SUPT3H: variants seen among roughly 807,000 people sequenced by gnomAD.
The protein encoded by SUPT3H is transcription initiation protein SPT3 homolog.
A neutral mutation model predicts 44.3 loss-of-function variants in SUPT3H; 44 were observed. The ratio of observed to expected loss-of-function variants is 0.99; its 90% CI spans 0.78 to 1.28. The LOEUF (loss-of-function observed/expected upper bound fraction) is 1.28. Ranked by LOEUF, SUPT3H falls within the 50% of genes most tolerant of loss-of-function variation. The pLI is 0.00. For synonymous variants in SUPT3H, 124 were observed against 125.6 expected, an observed-to-expected ratio of 0.99 and a Z score of 0.09; for missense variants, 380 against 387.1, an observed-to-expected ratio of 0.98 and a Z score of 0.15.
At chr6:45,047,400 A>G (rs12206942) in intron 3 of SUPT3H, among the ~76,000 whole-genome samples, 219 of 152,284 alleles carry the variant, frequency 1.4e-3, no homozygotes, top group Non-Finnish European at 2.4e-3. Context: ...AATAAGTAAG[A>G]ATATTAGGGT....
intron 10 of SUPT3H, among the ~76,000 whole-genome samples, chr6:44,894,539 C>T (rs534429173): frequency 1.7e-4 from 26 of 152,004 alleles, no homozygotes; most frequent in African/African-American, 4.6e-4. Context: ...TGTAGATATG[C>T]GGTGTTATTT....
intron 2 of SUPT3H, among the ~76,000 whole-genome samples, chr6:45,188,438 A>T (rs1456770973): frequency 2.0e-5 from 3 of 152,224 alleles, no homozygotes; most frequent in Non-Finnish European, 4.4e-5. Flanking sequence ...TGAAGGTGGA[A>T]AAGGCATTAA....
chr6:44,934,562 A>G (rs1266689247), intron 9 of SUPT3H, among the ~76,000 whole-genome samples: 1 of 152,232 alleles, frequency 6.6e-6, no homozygotes, highest in African/African-American at 2.4e-5. Flanking sequence ...CCAAGCCCAC[A>G]AAGTGATGGT....
At chr6:44,853,423 G>C (rs1773219063) in intron 10 of SUPT3H, among the ~76,000 whole-genome samples, 2 of 152,144 alleles carry the variant, frequency 1.3e-5, no homozygotes, top group South Asian at 4.2e-4. Context: ...ACTTTGGGAG[G>C]TCAATGCAGA....
In SUPT3H at chr6:45,225,150, G is replaced by T. The variant is rs112893579; in HGVS notation, c.102-119144C>A. ...AAAAATTAGCCGGGTGTGGTGGCAT[G>T]CGTCTGTAATCTCAGCTACTCGGGA... On this transcript the variant is annotated intron_variant, in intron 2 of 10. Coordinates refer to ENST00000371459, the MANE Select transcript of SUPT3H (RefSeq NM_003599.4). Among the ~76,000 whole-genome samples the T allele has an allele frequency of 9.1e-3, 1,373 of 151,708 alleles. 14 individuals carry two copies. Among genetic ancestry groups the T allele is most frequent in the South Asian group, 0.028 (136 of 4,786 alleles).
intron 3 of SUPT3H, chr6:45,098,162 T>G (rs1009194252): frequency 4.5e-5 from 7 of 156,106 alleles, no homozygotes; most frequent in Non-Finnish European, 8.7e-5. Flanking sequence ...GCAAAATTTG[T>G]GCCAGGCCAT....
rs1274297053 is a variant in SUPT3H at position 45,368,131 on chromosome 6, T to C, written c.1-2830A>G. Among the ~76,000 whole-genome samples, 4 of 152,194 alleles carry C rather than the reference T, an allele frequency of 2.6e-5. No homozygotes were observed. The East Asian group carries it at 5.8e-4, about 22-fold the overall frequency. ...TGAAAACCTACTGTAATCTTTTCAA[T>C]GGGTTAATGTCCTGCAGTTGTTTCA... On this transcript the variant is annotated intron_variant, in intron 1 of 10. Transcript: ENST00000371459.
chr6:45,091,084 T>C lies in SUPT3H; in HGVS notation c.186+14838A>G, dbSNP rs951091261. 2.0e-5 allele frequency among the ~76,000 whole-genome samples: 3 copies of C among 152,026 alleles called. No individual in the cohort carries two copies. The East Asian group carries it at 5.8e-4, about 29-fold the overall frequency. On this transcript the variant is annotated intron_variant, in intron 3 of 10. Coordinates refer to ENST00000371459, the MANE Select transcript of SUPT3H (RefSeq NM_003599.4). ...TTTAAATTCCTTCTTTCTTATATAT[T>C]GAATTACCTTTGTCCAGTGGTCTAT...
intron 6 of SUPT3H, among the ~76,000 whole-genome samples, chr6:44,962,914 C>T (rs542368223): frequency 4.0e-5 from 6 of 151,896 alleles, no homozygotes; most frequent in African/African-American, 1.4e-4. Flanking sequence ...CTTTCTCTCC[C>T]TCTCTCCCTT....
At chr6:45,107,166 C>A (rs1799400468) in intron 2 of SUPT3H, among the ~76,000 whole-genome samples, 2 of 152,026 alleles carry the variant, frequency 1.3e-5, no homozygotes, top group Non-Finnish European at 2.9e-5. Flanking sequence ...CTTGAAAATG[C>A]ACAATAATAT....
intron 3 of SUPT3H, among the ~76,000 whole-genome samples, chr6:45,065,809 C>T (rs188640595): frequency 1.3e-4 from 19 of 151,580 alleles, no homozygotes; most frequent in Admixed American, 6.6e-4. Flanking sequence ...GAAATTATGG[C>T]AATAATCGAT....
At chr6:44,891,368 G>T (rs576445682) in intron 10 of SUPT3H, among the ~76,000 whole-genome samples, 1 of 152,108 alleles carries the variant, frequency 6.6e-6, no homozygotes, top group East Asian at 1.9e-4. Context: ...AATAACCCAA[G>T]AATCAATTGA....
chr6:45,026,907 T>G (rs747596418), intron 3 of SUPT3H, among the ~76,000 whole-genome samples: 17 of 152,056 alleles, frequency 1.1e-4, no homozygotes, highest in South Asian at 4.1e-4. Context: ...TGTATCAGAA[T>G]TTATTTCAGT....
intron 2 of SUPT3H, among the ~76,000 whole-genome samples, chr6:45,315,604 C>T (rs1396915162): frequency 6.6e-6 from 1 of 152,024 alleles, no homozygotes; most frequent in African/African-American, 2.4e-5. Flanking sequence ...TAAGAATGGC[C>T]ATAATCAAAG....
intron 2 of SUPT3H, among the ~76,000 whole-genome samples, chr6:45,153,922 T>C (rs1355526642): frequency 6.6e-6 from 1 of 151,620 alleles, no homozygotes; most frequent in Non-Finnish European, 1.5e-5. Flanking sequence ...GCAAAAAAAT[T>C]AGCCAGGCGT....
chr6:45,216,357 G>A (rs72857059), intron 2 of SUPT3H, among the ~76,000 whole-genome samples: 2,228 of 151,956 alleles, frequency 0.015, 26 homozygotes, highest in South Asian at 0.03. Flanking sequence ...AGAAACCCAC[G>A]AAACTGTAAA....
At chr6:45,122,561 T>A (rs1193507085) in intron 2 of SUPT3H, among the ~76,000 whole-genome samples, 1 of 152,174 alleles carries the variant, frequency 6.6e-6, no homozygotes, top group East Asian at 1.9e-4. Flanking sequence ...TTTATTTTGG[T>A]AACTAACTTT....
intron 2 of SUPT3H, among the ~76,000 whole-genome samples, chr6:45,355,831 T>G (rs572541080): frequency 6.6e-6 from 1 of 152,160 alleles, no homozygotes; most frequent in Non-Finnish European, 1.5e-5. Flanking sequence ...TGGAAAGTAA[T>G]TCCAACCAAA....
At chr6:45,350,377 G>A (rs952936971) in intron 2 of SUPT3H, among the ~76,000 whole-genome samples, 6 of 152,150 alleles carry the variant, frequency 3.9e-5, no homozygotes, top group Admixed American at 3.9e-4. Flanking sequence ...TAAAATACAA[G>A]GAATTTGCAC....
Sources: gnomAD v4.1 joint callset for allele counts (sites outside exome capture counted in the v4.1 genomes callset) on GRCh38, gnomAD v4.1.1 for gene constraint, MANE v1.5 for transcripts, NCBI Gene and HGNC (gene_info 2026-07-23, HGNC 2026-07-21) for gene names.